Variants in PEF1 observed in about 807,000 individuals in gnomAD.
The protein encoded by PEF1 is peflin.
In PEF1, 17 loss-of-function variants were observed where a neutral mutation model predicts 32.0. The ratio of observed to expected loss-of-function variants is 0.53; its 90% confidence interval spans 0.36 to 0.80. The LOEUF (loss-of-function observed/expected upper bound fraction) is 0.80. Ranked by LOEUF, PEF1 falls within the 30% of genes least tolerant of loss-of-function variation. The probability of loss-of-function intolerance (pLI) is 0.00; values close to 1 mark genes in which losing one functional copy is unlikely to be tolerated. For missense variants in PEF1, 362 were observed against 369.1 expected, an observed-to-expected ratio of 0.98 and a Z score of 0.16; for synonymous variants, 130 against 139.8, an observed-to-expected ratio of 0.93 and a Z score of 0.50.
Position 31,644,847 on chromosome 1 carries a change from G to C in PEF1, c.18C>G (p.Tyr6Ter), listed in dbSNP as rs771358083. Residue 6 changes from tyrosine (Y) to a stop codon, truncating the protein, a stop_gained, in exon 1 of 5, where the codon TAC becomes TAG. Coordinates refer to ENST00000373703, the MANE Select transcript of PEF1 (RefSeq NM_012392.4). LOFTEE classifies it high-confidence loss of function. Reference sequence around the variant, plus strand: ...GGGCCCCTCACACACTCACCTGCCGGTAAGGATAGCTGGCCATGGTGATTC... The same window carrying C: ...GGGCCCCTCACACACTCACCTGCCGCTAAGGATAGCTGGCCATGGTGATTC... MASYP[Y>*]RQGCPGAAGQ... 2.5e-6 allele frequency: 4 copies of C among 1,613,996 alleles called. No individual in the cohort carries two copies. Among genetic ancestry groups the C allele is most frequent in the South Asian group, 2.2e-5 (2 of 91,030 alleles).
chr1:31,633,078 C>T (rs538261492), intron 3 of PEF1, 81 bp downstream of exon 3: 11 of 1,472,324 alleles, frequency 7.5e-6, no homozygotes, highest in African/African-American at 1.4e-5. Context: ...TCAGAATGTC[C>T]ACCCACCCAC....
At chr1:31,634,792 T>A (rs1013570683) in intron 2 of PEF1, 1 of 453,012 alleles carries the variant, frequency 2.2e-6, no homozygotes, top group Admixed American at 2.4e-5. Context: ...GATCAGGGGG[T>A]GCTCTGGCCA....
intron 4 of PEF1, among the ~76,000 whole-genome samples, chr1:31,631,796 G>A (rs951632902): frequency 1.3e-5 from 2 of 152,152 alleles, no homozygotes; most frequent in African/African-American, 2.4e-5. Context: ...TTTACTGGGG[G>A]CAGATGTGGT....
intron 2 of PEF1, chr1:31,634,862 ATTC>A: frequency 2.1e-6 from 1 of 475,720 alleles, no homozygotes; most frequent in Non-Finnish European, 4.2e-6. Context: ...GGCATTGTGC[ATTC>A]TTGCTAGCTC....
At chr1:31,632,423 T>C (rs1262211002) in intron 4 of PEF1, 72 bp downstream of exon 4, 13 of 1,607,604 alleles carry the variant, frequency 8.1e-6, no homozygotes, top group Non-Finnish European at 1.1e-5. Flanking sequence ...GAAACCCCTT[T>C]GTTGTATCTT....
At position 31,630,681 on chromosome 1, in the gene PEF1, C is replaced by A. The variant is rs539499336; in HGVS notation, c.787G>T (p.Ala263Ser). ...LTEAFREKDT[A>S]VQGNIRLSFE... ...CTGAGCCGAATGTTGCCTTGTACAG[C>A]TGTGTCCTTCTCCCGGAAGGCCTCT... is the stretch of plus-strand genomic sequence containing the variant. The change falls in exon 5 of 5, where the codon GCT becomes TCT. Residue 263 changes from alanine to serine, a missense_variant. Physicochemically the swap from Ala to Ser is moderately conservative, Grantham distance 99 (BLOSUM62 1). Coordinates refer to ENST00000373703, the MANE Select transcript of PEF1 (RefSeq NM_012392.4). The A allele has an allele frequency of 6.2e-7, 1 of 1,613,846 alleles. No homozygotes were observed. The highest frequency in any genetic ancestry group is 2.2e-5 in the East Asian group (1 of 44,884).
In PEF1 at chr1:31,632,584, A is replaced by G. The variant is rs1570268797; in HGVS notation, c.536T>C (p.Leu179Pro). The change falls in exon 4 of 5, where the codon CTG becomes CCG. Residue 179 changes from leucine (L) to proline (P), a missense_variant. Leu to Pro is a moderately conservative substitution (Grantham distance 98). Coordinates refer to ENST00000373703, the MANE Select transcript of PEF1 (RefSeq NM_012392.4). The part of the protein sequence containing the change: ...GRIDVYGFSA[L>P]WKFIQQWKNL... ...CTTCCACTGCTGGATGAATTTCCAC[A>G]GGGCTGAGAAGCCGTAGACATCGAT... is the stretch of plus-strand genomic sequence containing the variant. The G allele has an allele frequency of 6.2e-7, 1 of 1,614,200 alleles. No homozygotes were observed. Among genetic ancestry groups the G allele is most frequent in the Non-Finnish European group, 8.5e-7 (1 of 1,180,032 alleles).
rs374023063 is a variant in PEF1 at position 31,644,859 on chromosome 1, G to A, written c.6C>T (p.Ala2=). 1.2e-6 allele frequency: 2 copies of A among 1,613,800 alleles called. No homozygotes were observed. The highest frequency in any genetic ancestry group is 3.3e-5 in the Admixed American group (2 of 59,992). The change falls in exon 1 of 5, where the codon GCC becomes GCT. Residue 2 remains alanine (A), a synonymous_variant. Transcript: ENST00000373703. M[A]SYPYRQGCPG... The stretch of plus-strand genomic sequence containing the variant: ...CACTCACCTGCCGGTAAGGATAGCT[G>A]GCCATGGTGATTCTGACGTCACACT...
intron 2 of PEF1, among the ~76,000 whole-genome samples, chr1:31,633,721 C>T (rs529868144): frequency 9.7e-4 from 147 of 152,122 alleles, no homozygotes; most frequent in African/African-American, 3.4e-3. Flanking sequence ...TTTGGGAAGC[C>T]GAGGCAGGCG....
intron 2 of PEF1, among the ~76,000 whole-genome samples, chr1:31,633,969 CAAAA>C (rs1230957892): frequency 1.3e-5 from 2 of 148,750 alleles, no homozygotes; most frequent in Non-Finnish European, 3.0e-5. Flanking sequence ...AAAAAAAAAA[CAAAA>C]AAACCCAAAA....
chr1:31,644,333 A>G, intron 1 of PEF1: 1 of 979,488 alleles, frequency 1.0e-6, no homozygotes, highest in Non-Finnish European at 1.2e-6. Context: ...ACTTTTCTAC[A>G]CGCGAAATGG....
At chr1:31,641,020 G>A (rs1178445578) in intron 1 of PEF1, among the ~76,000 whole-genome samples, 1 of 152,168 alleles carries the variant, frequency 6.6e-6, no homozygotes, top group Non-Finnish European at 1.5e-5. Flanking sequence ...ACTTGAAATA[G>A]GAGAGAAGCA....
rs1053804905 is a variant in PEF1 at position 31,635,595 on chromosome 1, T to C, written c.25-73A>G. 1.8e-5 allele frequency: 24 copies of C among 1,368,626 alleles called. No individual in the cohort carries two copies. In the African/African-American group the frequency reaches 2.8e-4, roughly 16 times the overall value. 84.8% of individuals were successfully genotyped at this position (1,368,626 alleles called of 1,614,324 possible). ...GGCAGAGTATGGCACTTTACAACCA[T>C]AAAGCACTTCCACCACCATCCTTTC... is the stretch of plus-strand genomic sequence containing the variant. On this transcript the variant is annotated intron_variant, in intron 1 of 4. Transcript: ENST00000373703.
At chr1:31,635,583 A>C (rs980312901) in intron 1 of PEF1, 61 bp from the exon 2 acceptor site, 1 of 1,438,806 alleles carries the variant, frequency 7.0e-7, no homozygotes, top group Non-Finnish European at 9.2e-7. Flanking sequence ...AGAGTATGGC[A>C]CTTTACAACC....
At chr1:31,640,267 T>A (rs757654670) in intron 1 of PEF1, among the ~76,000 whole-genome samples, 10 of 152,158 alleles carry the variant, frequency 6.6e-5, no homozygotes, top group Non-Finnish European at 1.3e-4. Context: ...AACAGTGTCA[T>A]CTCCATTTTG....
At chr1:31,642,327 G>A (rs1186968953) in intron 1 of PEF1, among the ~76,000 whole-genome samples, 2 of 152,204 alleles carry the variant, frequency 1.3e-5, no homozygotes, top group African/African-American at 4.8e-5. Context: ...TGACAAAGCA[G>A]GGATTTGAAA....
chr1:31,630,759 C>G lies in PEF1; in HGVS notation c.709G>C (p.Ala237Pro), dbSNP rs569702331. 1 of 1,614,088 alleles carries G rather than the reference C, an allele frequency of 6.2e-7. No individual in the cohort carries two copies. Among genetic ancestry groups the G allele is most frequent in the Non-Finnish European group, 8.5e-7 (1 of 1,180,050 alleles). ...SRYCPRSANP[A>P]MQLDRFIQVC... ...TGGATGAAGCGGTCAAGCTGCATGG[C>G]AGGATTGGCAGAGCGTGGGCAGTAG... is the stretch of plus-strand genomic sequence containing the variant. Residue 237 changes from alanine to proline, a missense_variant, in exon 5 of 5, where the codon GCC becomes CCC. Coordinates refer to ENST00000373703, the MANE Select transcript of PEF1 (RefSeq NM_012392.4).
At chr1:31,633,713 T>TG (rs1397625169) in intron 2 of PEF1, among the ~76,000 whole-genome samples, 1 of 152,086 alleles carries the variant, frequency 6.6e-6, no homozygotes, top group East Asian at 1.9e-4. Context: ...CCCAGCACTT[T>TG]GGGAAGCCGA....
chr1:31,631,850 C>T (rs1278343076), intron 4 of PEF1, among the ~76,000 whole-genome samples: 2 of 152,124 alleles, frequency 1.3e-5, no homozygotes, highest in East Asian at 1.9e-4. Flanking sequence ...GAATGAAATC[C>T]ACAGCCTGGG....
Sources: gnomAD v4.1 joint callset for allele counts (sites outside exome capture counted in the v4.1 genomes callset) on GRCh38, gnomAD v4.1.1 for gene constraint, MANE v1.5 for transcripts, NCBI Gene and HGNC (gene_info 2026-07-23, HGNC 2026-07-21) for gene names.